The following GNAQ variants were observed in gnomAD, a reference collection of about 807,000 sequenced individuals.
GNAQ encodes the protein guanine nucleotide-binding protein G(q) subunit alpha.
A neutral mutation model predicts 43.9 loss-of-function variants in GNAQ; 8 were observed. That is an observed-to-expected ratio of 0.18 (90% CI 0.11 to 0.33). GNAQ has a LOEUF of 0.33. Ranked by LOEUF, GNAQ falls within the 10% of genes least tolerant of loss-of-function variation. GNAQ has a pLI of 1.00. For missense variants in GNAQ, 158 were observed against 450.8 expected, an observed-to-expected ratio of 0.35 and a Z score of 5.88; for synonymous variants, 155 against 170.7, an observed-to-expected ratio of 0.91 and a Z score of 0.71.
At chr9:77,726,385 A>T (rs1825396862) in intron 6 of GNAQ, among the ~76,000 whole-genome samples, 1 of 152,220 alleles carries the variant, frequency 6.6e-6, no homozygotes, top group South Asian at 2.1e-4. Context: ...TTTTCAATTC[A>T]CCAACCTTCA....
intron 5 of GNAQ, among the ~76,000 whole-genome samples, chr9:77,761,930 C>T (rs1587904180): frequency 7.4e-6 from 1 of 134,970 alleles, no homozygotes; most frequent in Non-Finnish European, 1.6e-5. Context: ...GCCAGCCGCC[C>T]CGTCCGGGAG....
Position 77,720,398 on chromosome 9 carries a change from GAAC to G in GNAQ, c.*922_*924del, listed in dbSNP as rs537525544. 213 of 233,416 alleles carry G rather than the reference GAAC, an allele frequency of 9.1e-4. No individual in the cohort carries two copies. Among genetic ancestry groups the G allele is most frequent in the African/African-American group, 4.3e-3 (194 of 45,406 alleles). The allele number at this position is 233,416 out of a possible 1,614,324, so 14.5% of individuals were successfully genotyped here. The stretch of plus-strand genomic sequence containing the variant: ...AAGAAAAAAAAGAAAGGAAAAGCTT[GAAC>G]AACAACAACAAAAAAATTAAGAACA... On this transcript the variant is annotated 3_prime_UTR_variant, in exon 7 of 7. Coordinates refer to ENST00000286548, the MANE Select transcript of GNAQ (RefSeq NM_002072.5).
intron 2 of GNAQ, among the ~76,000 whole-genome samples, chr9:77,833,973 T>G (rs573857341): frequency 2.6e-5 from 4 of 152,204 alleles, no homozygotes; most frequent in African/African-American, 9.6e-5. Flanking sequence ...AAATGGTGGG[T>G]TTTTTTTAAC....
At chr9:77,792,583 TG>T (rs1224426855) in intron 5 of GNAQ, among the ~76,000 whole-genome samples, 2 of 152,190 alleles carry the variant, frequency 1.3e-5, no homozygotes, top group Non-Finnish European at 2.9e-5. Flanking sequence ...TCGGTTGAAC[TG>T]AATTAGCTGA....
chr9:77,790,418 C>A (rs961957599), intron 5 of GNAQ, among the ~76,000 whole-genome samples: 5 of 152,162 alleles, frequency 3.3e-5, no homozygotes, highest in African/African-American at 1.2e-4. Flanking sequence ...TTGATTGCAG[C>A]TGAGTAACTT....
intron 2 of GNAQ, among the ~76,000 whole-genome samples, chr9:77,918,364 AATAGTT>A (rs1828945799): frequency 6.6e-6 from 1 of 152,162 alleles, no homozygotes; most frequent in Non-Finnish European, 1.5e-5. Context: ...AAATTTCCAA[AATAGTT>A]ATTTATTTTA....
At chr9:77,727,339 C>G (rs187129401) in intron 6 of GNAQ, among the ~76,000 whole-genome samples, 69 of 152,266 alleles carry the variant, frequency 4.5e-4, no homozygotes, top group Admixed American at 1.4e-3. Flanking sequence ...TATAGGGCAG[C>G]AGTCGTGACT....
intron 2 of GNAQ, among the ~76,000 whole-genome samples, chr9:77,837,936 C>A (rs1827418327): frequency 6.8e-6 from 1 of 147,834 alleles, no homozygotes; most frequent in South Asian, 2.1e-4. Context: ...GCAACCACTG[C>A]AACCTCTGCC....
chr9:77,907,735 T>C (rs943933702), intron 2 of GNAQ, among the ~76,000 whole-genome samples: 1 of 152,238 alleles, frequency 6.6e-6, no homozygotes, highest in Non-Finnish European at 1.5e-5. Flanking sequence ...ATCGGCTCTC[T>C]GATTAAATAC....
intron 2 of GNAQ, among the ~76,000 whole-genome samples, chr9:77,818,613 CAAT>C (rs1827058641): frequency 6.6e-6 from 1 of 152,136 alleles, no homozygotes; most frequent in East Asian, 1.9e-4. Context: ...ATGAAAAAGA[CAAT>C]GATGAAAAGG....
intron 1 of GNAQ, among the ~76,000 whole-genome samples, chr9:77,976,381 T>G (rs533473179): frequency 1.5e-4 from 23 of 149,430 alleles, no homozygotes; most frequent in East Asian, 9.7e-4. Flanking sequence ...TGGTTTTTGG[T>G]TTTTTTTTGT....
intron 1 of GNAQ, among the ~76,000 whole-genome samples, chr9:77,995,520 G>T (rs1823557805): frequency 6.6e-6 from 1 of 152,052 alleles, no homozygotes; most frequent in Non-Finnish European, 1.5e-5. Flanking sequence ...TCCAGACAGG[G>T]TGTCATGTTG....
chr9:77,988,204 G>C (rs1445780359), intron 1 of GNAQ, among the ~76,000 whole-genome samples: 1 of 152,234 alleles, frequency 6.6e-6, no homozygotes, highest in African/African-American at 2.4e-5. Context: ...TACAAGGCCA[G>C]CAGGCCCTCT....
chr9:77,728,200 GA>G (rs1825429888), intron 6 of GNAQ, among the ~76,000 whole-genome samples: 1 of 152,080 alleles, frequency 6.6e-6, no homozygotes, highest in African/African-American at 2.4e-5. Flanking sequence ...TCACCATGTT[GA>G]CCAGGATGGT....
intron 5 of GNAQ, among the ~76,000 whole-genome samples, chr9:77,747,015 A>AAGAT (rs1825740954): frequency 6.6e-6 from 1 of 152,200 alleles, no homozygotes; most frequent in African/African-American, 2.4e-5. Flanking sequence ...AACTTAAAAA[A>AAGAT]AGATATACTG....
At position 77,930,643 on chromosome 9, in the gene GNAQ, G is replaced by A. The variant is rs80136920; in HGVS notation, c.137-8298C>T. On this transcript the variant is annotated intron_variant, in intron 1 of 6. Coordinates refer to ENST00000286548, the MANE Select transcript of GNAQ (RefSeq NM_002072.5). ...ACAAAATAAACATACATATTTTGAT[G>A]TGTGGTGTGCAGTGATTTTTTTACT... Among the ~76,000 whole-genome samples the A allele has an allele frequency of 1.9e-3, 285 of 152,238 alleles. 2 individuals are homozygous for A. The highest frequency in any genetic ancestry group is 6.0e-3 in the African/African-American group (251 of 41,528).
At chr9:77,772,347 T>C (rs1393119627) in intron 5 of GNAQ, among the ~76,000 whole-genome samples, 4 of 152,222 alleles carry the variant, frequency 2.6e-5, no homozygotes, top group African/African-American at 9.7e-5. Flanking sequence ...TTCACTGCTG[T>C]GCGGAAACTC....
rs144568776 is a variant in GNAQ, at chr9:77,820,166, T to C, written c.322-4396A>G. 6.8e-3 allele frequency among the ~76,000 whole-genome samples: 1,015 copies of C among 149,868 alleles called. 6 individuals carry two copies. Among genetic ancestry groups the C allele is most frequent in the African/African-American group, 0.022 (877 of 40,528 alleles). ...AAATACCTACTAGATTCTTGTGACATTGGGAAAGTCACTGAAGCCTAAATT... is the reference window on the plus strand; with the variant it reads ...AAATACCTACTAGATTCTTGTGACACTGGGAAAGTCACTGAAGCCTAAATT... On this transcript the variant is annotated intron_variant, in intron 2 of 6. Transcript: ENST00000286548.
intron 1 of GNAQ, among the ~76,000 whole-genome samples, chr9:77,980,950 G>A (rs752654235): frequency 3.3e-5 from 5 of 152,092 alleles, no homozygotes; most frequent in East Asian, 1.9e-4. Context: ...GCTTTCATCT[G>A]CTTAATCCAT....
Sources: gnomAD v4.1 joint callset for allele counts (sites outside exome capture counted in the v4.1 genomes callset) on GRCh38, gnomAD v4.1.1 for gene constraint, MANE v1.5 for transcripts, NCBI Gene and HGNC (gene_info 2026-07-23, HGNC 2026-07-21) for gene names.